DYM: variants seen among roughly 807,000 people sequenced by gnomAD.
The protein encoded by DYM is dyggve-Melchior-Clausen syndrome protein.
A neutral mutation model predicts 93.1 loss-of-function variants in DYM; 78 were observed. The observed-to-expected ratio is 0.84, with a 90% CI of 0.70 to 1.01. DYM has a LOEUF of 1.01. Ranked by LOEUF, DYM falls within the 50% of genes least tolerant of loss-of-function variation. The pLI, the probability that DYM is intolerant of heterozygous loss-of-function variation, is 0.00. For missense variants in DYM, 789 were observed against 845.0 expected (o/e 0.93, Z 0.82); for synonymous variants, 321 against 319.7 (o/e 1.00, Z -0.04).
chr18:49,328,767 G>C (rs963662806), intron 8 of DYM, among the ~76,000 whole-genome samples: 2 of 152,068 alleles, frequency 1.3e-5, no homozygotes, highest in Admixed American at 6.5e-5. Flanking sequence ...GGCAATCATT[G>C]AAAAGTCAGG....
intron 17 of DYM, among the ~76,000 whole-genome samples, chr18:49,076,807 T>C (rs369475543): frequency 2.6e-5 from 4 of 152,204 alleles, no homozygotes; most frequent in Admixed American, 2.0e-4. Flanking sequence ...TTCATAGCTT[T>C]TCTTCTGTTA....
At chr18:49,198,576 C>G (rs530208476) in intron 14 of DYM, among the ~76,000 whole-genome samples, 2 of 152,160 alleles carry the variant, frequency 1.3e-5, no homozygotes, top group South Asian at 2.1e-4. Flanking sequence ...AGAACATGAA[C>G]AGACACTTCT....
chr18:49,272,026 A>G (rs973066583), intron 11 of DYM, 152 bp downstream of exon 11: 1 of 509,128 alleles, frequency 2.0e-6, no homozygotes, highest in Non-Finnish European at 3.3e-6. Context: ...AAAAAAAAGC[A>G]CCGCTTCATA....
intron 17 of DYM, among the ~76,000 whole-genome samples, chr18:49,074,764 C>T (rs2077168190): frequency 6.6e-6 from 1 of 152,146 alleles, no homozygotes; most frequent in Non-Finnish European, 1.5e-5. Flanking sequence ...TCTGAAGAAC[C>T]GTTACTTGTA....
chr18:49,329,698 A>G (rs996785185), intron 8 of DYM: 1 of 152,266 alleles, frequency 6.6e-6, no homozygotes, highest in Non-Finnish European at 1.5e-5. Context: ...GTTTTCTACA[A>G]CAAGGCACTC....
At chr18:49,239,719 T>C (rs1042025586) in intron 13 of DYM, among the ~76,000 whole-genome samples, 1 of 152,198 alleles carries the variant, frequency 6.6e-6, no homozygotes, top group African/African-American at 2.4e-5. Context: ...AGCCTTGAGA[T>C]GGGAGCACAC....
chr18:49,135,552 A>G (rs1179762001), intron 15 of DYM, among the ~76,000 whole-genome samples: 1 of 152,214 alleles, frequency 6.6e-6, no homozygotes, highest in Non-Finnish European at 1.5e-5. Context: ...AGCTCAAGAA[A>G]TTGTTGCTCT....
intron 5 of DYM, among the ~76,000 whole-genome samples, chr18:49,377,385 C>T (rs569966156): frequency 1.8e-4 from 27 of 152,126 alleles, no homozygotes; most frequent in East Asian, 3.9e-4. Context: ...CATGCTGAAA[C>T]CCCATCTCTA....
At chr18:49,314,273 C>G (rs1036278369) in intron 8 of DYM, among the ~76,000 whole-genome samples, 1 of 152,180 alleles carries the variant, frequency 6.6e-6, no homozygotes, top group Non-Finnish European at 1.5e-5. Flanking sequence ...GCTTTTCACT[C>G]AACATTGTGC....
Position 49,118,857 on chromosome 18 carries a change from T to C in DYM, c.1798A>G (p.Asn600Asp), listed in dbSNP as rs2082138502. The change falls in exon 16 of 18, where the codon AAT (asparagine) becomes GAT (aspartate). Residue 600 changes from asparagine (N) to aspartate (D), a missense_variant. By Grantham distance (23) the Asn-to-Asp change is conservative (BLOSUM62 1). Coordinates refer to ENST00000675505, the MANE Select transcript of DYM (RefSeq NM_001353214.3). Reference protein sequence around the residue: ...MLEIINSCLTNSLHHNPNLVY... With the variant: ...MLEIINSCLTDSLHHNPNLVY... ...AAGTTTGGGTTGTGGTGAAGGGAAT[T>C]TGTCAGGCAGGAGTTGATGATCTCT... 6.2e-7 allele frequency: 1 copy of C among 1,614,062 alleles called. No individual in the cohort carries two copies.
At chr18:49,360,491 G>A (rs969333585) in intron 6 of DYM, among the ~76,000 whole-genome samples, 1 of 151,850 alleles carries the variant, frequency 6.6e-6, no homozygotes, top group African/African-American at 2.4e-5. Flanking sequence ...GTGTGGTGGC[G>A]CTCGTCTGTA....
intron 1 of DYM, among the ~76,000 whole-genome samples, chr18:49,455,718 G>A (rs112799664): frequency 0.011 from 1,702 of 152,238 alleles, 31 homozygotes; most frequent in African/African-American, 0.039. Context: ...TTGGGAGGCC[G>A]AGGTGGGTGG....
At position 49,317,049 on chromosome 18, in the gene DYM, TATGGACTTTAGTCCAA is replaced by T. The variant is rs1380056684; in HGVS notation, c.763+14799_763+14814del. 2.0e-5 allele frequency among the ~76,000 whole-genome samples: 3 copies of T among 152,206 alleles called. No individual in the cohort carries two copies. In the East Asian group the frequency reaches 5.8e-4, roughly 29 times the overall value. On this transcript the variant is annotated intron_variant, in intron 8 of 17. Coordinates refer to ENST00000675505, the MANE Select transcript of DYM (RefSeq NM_001353214.3). ...ACAACACAAAGAATAAACCCTAAAC[TATGGACTTTAGTCCAA>T]AATAATGTATCAATATTGGCTTGTC...
intron 13 of DYM, among the ~76,000 whole-genome samples, chr18:49,242,918 T>A (rs1029219279): frequency 3.9e-5 from 6 of 152,110 alleles, no homozygotes; most frequent in Non-Finnish European, 8.8e-5. Context: ...GCCAGGATGG[T>A]CTCGATCTCC....
chr18:49,332,358 T>G (rs1329397948), intron 7 of DYM, among the ~76,000 whole-genome samples: 3 of 152,176 alleles, frequency 2.0e-5, no homozygotes, highest in Non-Finnish European at 4.4e-5. Context: ...CGCTTCAGCC[T>G]CCCAAAGTGC....
intron 13 of DYM, among the ~76,000 whole-genome samples, chr18:49,245,626 G>A (rs2094147231): frequency 6.6e-6 from 1 of 152,186 alleles, no homozygotes; most frequent in Non-Finnish European, 1.5e-5. Flanking sequence ...CCTATTTCCT[G>A]TTAAGATGTT....
chr18:49,216,945 CA>C (rs879727385), intron 13 of DYM, among the ~76,000 whole-genome samples: 2 of 152,140 alleles, frequency 1.3e-5, no homozygotes, highest in Non-Finnish European at 2.9e-5. Flanking sequence ...TTCAGACAAT[CA>C]AAGTACTCCG....
chr18:49,378,551 T>G lies in DYM; in HGVS notation c.421+16A>C, dbSNP rs1004047817. The G allele has an allele frequency of 3.1e-6, 5 of 1,602,214 alleles. No homozygotes were observed. The African/African-American group carries it at 6.7e-5, about 21-fold the overall frequency. ...ACACATGATATATCCAGAACATCTT[T>G]AAAAACAATACTTACTGTAATTGCC... On this transcript the variant is annotated intron_variant, in intron 5 of 17. Coordinates refer to ENST00000675505, the MANE Select transcript of DYM (RefSeq NM_001353214.3).
At chr18:49,440,989 TATATA>T (rs1313699787) in intron 1 of DYM, among the ~76,000 whole-genome samples, 88 of 2,526 alleles carry the variant, frequency 0.035, 26 homozygotes, top group Non-Finnish European at 0.039. Context: ...TTATATATAA[TATATA>T]ATATATTTAT....
Sources: allele counts gnomAD v4.1 joint callset (sites outside exome capture counted in the v4.1 genomes callset), GRCh38; gene constraint gnomAD v4.1.1; transcripts MANE v1.5; gene names NCBI Gene and HGNC (gene_info 2026-07-23, HGNC 2026-07-21).